XRN2: variants seen among roughly 807,000 people sequenced by gnomAD.
The protein encoded by XRN2 is 5'-3' exoribonuclease 2, also known as DHM1-like protein.
In XRN2, 44 loss-of-function variants were observed where a neutral mutation model predicts 138.5. That is an observed-to-expected ratio of 0.32 (90% CI 0.25 to 0.41). The LOEUF (loss-of-function observed/expected upper bound fraction) is 0.41, where lower values mean the gene tolerates loss of function less well. Among genes scored for constraint, XRN2 ranks in the 10% least tolerant of loss-of-function variants. The pLI, the probability that XRN2 is intolerant of heterozygous loss-of-function variation, is 1.00. For missense variants in XRN2, 937 were observed against 1,169.3 expected, an observed-to-expected ratio of 0.80 and a Z score of 2.90; for synonymous variants, 354 against 369.4, an observed-to-expected ratio of 0.96 and a Z score of 0.48.
intron 13 of XRN2, among the ~76,000 whole-genome samples, chr20:21,337,932 T>A (rs1228225792): frequency 2.0e-5 from 3 of 151,532 alleles, no homozygotes; most frequent in Non-Finnish European, 4.4e-5. Flanking sequence ...AGGTCATTGG[T>A]GACCTACACA....
At chr20:21,368,012 A>T (rs1317254772) in intron 26 of XRN2, among the ~76,000 whole-genome samples, 1 of 152,216 alleles carries the variant, frequency 6.6e-6, no homozygotes, top group Non-Finnish European at 1.5e-5. Flanking sequence ...AGTATAAGAC[A>T]TCAACATAGT....
rs761622310 is a variant in XRN2, at chr20:21,377,264, C to CTTTTTTTTTTTTTTTTTTTTTTTTTTT, written c.2585-4716_2585-4715insTTTTTTTTTTTTTTTTTTTTTTTTTTT. On this transcript the variant is annotated intron_variant, in intron 27 of 29. Transcript: ENST00000377191. ...CCAACATATGATTTGTCGGTTTTTT[C>CTTTTTTTTTTTTTTTTTTTTTTTTTTT]TTTTTTTTTTTTTTGGTCAGTCTTG... Among the ~76,000 whole-genome samples, 55 of 82,788 alleles carry CTTTTTTTTTTTTTTTTTTTTTTTTTTT rather than the reference C, an allele frequency of 6.6e-4. 9 individuals carry two copies. Among genetic ancestry groups the CTTTTTTTTTTTTTTTTTTTTTTTTTTT allele is most frequent in the South Asian group, 1.5e-3 (3 of 1,990 alleles). The allele number at this position is 82,788 out of a possible 152,430, so 54.3% of individuals were successfully genotyped here. A position where few individuals can be genotyped will look rare whatever the true frequency, so the allele number is the denominator to read the frequency against.
At position 21,342,283 on chromosome 20, in the gene XRN2, A is replaced by G. The variant is rs139561670; in HGVS notation, c.1410+1431A>G. Among the ~76,000 whole-genome samples, 790 of 152,256 alleles carry G rather than the reference A, an allele frequency of 5.2e-3. 6 individuals are homozygous for G. The highest frequency in any genetic ancestry group is 6.4e-3 in the Non-Finnish European group (437 of 68,018). On this transcript the variant is annotated intron_variant, in intron 15 of 29. Transcript: ENST00000377191. ...TAACATTCTTAGTGTTTTATTAAAT[A>G]GCTTCCATTTCCTTATATTTGTGGT... is the stretch of plus-strand genomic sequence containing the variant.
At chr20:21,366,430 G>A (rs560865451) in intron 26 of XRN2, among the ~76,000 whole-genome samples, 76 of 150,796 alleles carry the variant, frequency 5.0e-4, no homozygotes, top group Non-Finnish European at 8.9e-4. Context: ...GGCGCCTGGC[G>A]CCTGTAGACC....
intron 1 of XRN2, among the ~76,000 whole-genome samples, chr20:21,306,931 G>A (rs1367877410): frequency 1.3e-5 from 1 of 76,280 alleles, no homozygotes; most frequent in Non-Finnish European, 3.1e-5. Flanking sequence ...ACTTGCACCC[G>A]GGAGACAGAC....
chr20:21,351,147 A>G (rs1046022622), intron 20 of XRN2, among the ~76,000 whole-genome samples: 2 of 152,224 alleles, frequency 1.3e-5, no homozygotes, highest in Admixed American at 1.3e-4. Flanking sequence ...CAACTCTGTC[A>G]TTGTGGTATA....
rs1478331917 is a variant in XRN2 at position 21,389,460 on chromosome 20, CTG to C, written c.*126_*127del. 36 of 875,714 alleles carry C rather than the reference CTG, an allele frequency of 4.1e-5. No homozygotes were observed. Among genetic ancestry groups the C allele is most frequent in the Non-Finnish European group, 5.8e-5 (34 of 581,772 alleles). 54.2% of individuals were successfully genotyped at this position (875,714 alleles called of 1,614,324 possible). A position where few individuals can be genotyped will look rare whatever the true frequency, so the allele number is the denominator to read the frequency against. On this transcript the variant is annotated 3_prime_UTR_variant, in exon 30 of 30. Transcript: ENST00000377191. ...ACAGTACTTTGTGTATTTCTTTTAA[CTG>C]TGTATATTTCTACTGATCTGATCTC...
chr20:21,348,061 T>C (rs2038460087), intron 17 of XRN2, 85 bp from the exon 18 acceptor site: 1 of 1,057,928 alleles, frequency 9.5e-7, no homozygotes, highest in Admixed American at 3.6e-5. Flanking sequence ...TATTATAGGT[T>C]AACAGTCTAA....
At chr20:21,319,913 A>T (rs1296892267) in intron 1 of XRN2, among the ~76,000 whole-genome samples, 3 of 152,212 alleles carry the variant, frequency 2.0e-5, no homozygotes, top group Admixed American at 6.5e-5. Flanking sequence ...ATACTATGTA[A>T]TATTTATACA....
chr20:21,338,975 C>G (rs2038336068), intron 13 of XRN2, 69 bp from the exon 14 acceptor site: 1 of 1,441,220 alleles, frequency 6.9e-7, no homozygotes, highest in African/African-American at 1.4e-5. Context: ...CCAAATCATT[C>G]CTGGTAATGC....
chr20:21,303,331 G>A lies in XRN2; in HGVS notation c.-68G>A. Reference sequence around the variant, plus strand: ...GTGGGAGGAAGTGCTGGTGCCCTCTGCCGCTGCTCCCGTCTCTTTGGTTAC... The same window carrying A: ...GTGGGAGGAAGTGCTGGTGCCCTCTACCGCTGCTCCCGTCTCTTTGGTTAC... On this transcript the variant is annotated 5_prime_UTR_variant, in exon 1 of 30. Coordinates refer to ENST00000377191, the MANE Select transcript of XRN2 (RefSeq NM_012255.5). The A allele has an allele frequency of 1.3e-6, 2 of 1,523,826 alleles. No homozygotes were observed. The highest frequency in any genetic ancestry group is 1.8e-6 in the Non-Finnish European group (2 of 1,131,662). 94.4% of individuals were successfully genotyped at this position (1,523,826 alleles called of 1,614,324 possible). A position where few individuals can be genotyped will look rare whatever the true frequency, so the allele number is the denominator to read the frequency against.
At position 21,334,114 on chromosome 20, in the gene XRN2, A is replaced by G; in HGVS notation, c.1162A>G (p.Arg388Gly). ...AGAAAGTGGTTATGTCAATCTGCAA[A>G]GAGTACAGATGATCATGTTAGCAGT... Reference protein sequence around the residue: ...LTESGYVNLQRVQMIMLAVGE... With the variant: ...LTESGYVNLQGVQMIMLAVGE... The change falls in exon 13 of 30, where the codon AGA becomes GGA. Residue 388 changes from arginine (R) to glycine (G), a missense_variant. By Grantham distance (125) the Arg-to-Gly change is moderately radical. Coordinates refer to ENST00000377191, the MANE Select transcript of XRN2 (RefSeq NM_012255.5). The G allele has an allele frequency of 6.2e-7, 1 of 1,614,048 alleles. No individual in the cohort carries two copies. The highest frequency in any genetic ancestry group is 8.5e-7 in the Non-Finnish European group (1 of 1,179,964).
chr20:21,373,066 G>A (rs2038780633), intron 27 of XRN2, among the ~76,000 whole-genome samples: 1 of 152,082 alleles, frequency 6.6e-6, no homozygotes, highest in Non-Finnish European at 1.5e-5. Flanking sequence ...AGGCTGGAGT[G>A]CAGTGGCACA....
intron 1 of XRN2, among the ~76,000 whole-genome samples, chr20:21,310,056 A>C (rs2037859104): frequency 6.6e-6 from 1 of 152,122 alleles, no homozygotes; most frequent in African/African-American, 2.4e-5. Context: ...GTTTTGAGAC[A>C]TTTCTTCCTC....
chr20:21,322,599 T>G (rs1163056721), intron 1 of XRN2, among the ~76,000 whole-genome samples: 3 of 152,188 alleles, frequency 2.0e-5, no homozygotes, highest in Non-Finnish European at 4.4e-5. Flanking sequence ...ACTGAGCTAT[T>G]GGTGGTGGTT....
chr20:21,346,331 A>C, intron 16 of XRN2, 84 bp from the exon 17 acceptor site: 3 of 1,526,040 alleles, frequency 2.0e-6, no homozygotes, highest in Non-Finnish European at 2.7e-6. Context: ...TATTAAATAT[A>C]AATTGATTTG....
intron 3 of XRN2, among the ~76,000 whole-genome samples, chr20:21,327,070 G>C (rs1366237181): frequency 2.0e-5 from 3 of 152,062 alleles, no homozygotes; most frequent in African/African-American, 4.8e-5. Context: ...GTTTGGGGAG[G>C]GAGGACCTTC....
chr20:21,331,824 TTTC>T lies in XRN2; in HGVS notation c.700+12_700+14del. ...TTGTTTATGTGGAGCAGATGGTAAG[TTTC>T]TTCTTTGGGATTTGCTTCTTTTGGA... is the stretch of plus-strand genomic sequence containing the variant. On this transcript the variant is annotated splice_region_variant and intron_variant, in intron 8 of 29. Transcript: ENST00000377191. 1 of 1,611,542 alleles carries T rather than the reference TTTC, an allele frequency of 6.2e-7. No homozygotes were observed. Among genetic ancestry groups the T allele is most frequent in the Non-Finnish European group, 8.5e-7 (1 of 1,179,356 alleles).
At chr20:21,360,471 T>C (rs1207120152) in intron 24 of XRN2, among the ~76,000 whole-genome samples, 1 of 151,472 alleles carries the variant, frequency 6.6e-6, no homozygotes, top group African/African-American at 2.4e-5. Context: ...TTTTTTTTTT[T>C]CTCATAGCAC....
Sources: allele counts gnomAD v4.1 joint callset (sites outside exome capture counted in the v4.1 genomes callset), GRCh38; gene constraint gnomAD v4.1.1; transcripts MANE v1.5; gene names NCBI Gene and HGNC (gene_info 2026-07-23, HGNC 2026-07-21).